PRORP: variants seen among roughly 807,000 people sequenced by gnomAD.
PRORP encodes protein only RNase P catalytic subunit.
PRORP carries 51 observed loss-of-function variants against 59.4 expected under a neutral mutation model. The observed-to-expected ratio is 0.86, with a 90% CI of 0.69 to 1.08. PRORP has a LOEUF of 1.08. Among genes scored for constraint, PRORP ranks in the 50% least tolerant of loss-of-function variants. The probability of loss-of-function intolerance (pLI) is 0.00; values close to 1 mark genes in which losing one functional copy is unlikely to be tolerated. For synonymous variants in PRORP, 231 were observed against 245.6 expected (o/e 0.94, Z 0.55); for missense variants, 646 against 690.3 (o/e 0.94, Z 0.72).
In PRORP at chr14:35,273,613, T is replaced by G. The variant is rs1566543059; in HGVS notation, c.*47T>G. The G allele has an allele frequency of 6.3e-7, 1 of 1,581,300 alleles. No individual in the cohort carries two copies. ...GTTTGTGTTTGGGTACCCTCTAGGT[T>G]GGCATCAGAGGCTCTTGAGCTGGTG... On this transcript the variant is annotated 3_prime_UTR_variant, in exon 8 of 8. Transcript: ENST00000534898.
At chr14:35,134,726 G>A (rs2047331484) in intron 4 of PRORP, among the ~76,000 whole-genome samples, 2 of 152,220 alleles carry the variant, frequency 1.3e-5, no homozygotes, top group African/African-American at 4.8e-5. Context: ...GTCTGTTTAG[G>A]AGACTGTGAG....
chr14:35,266,509 T>C (rs973721084), intron 5 of PRORP, among the ~76,000 whole-genome samples: 1 of 151,256 alleles, frequency 6.6e-6, no homozygotes, highest in Non-Finnish European at 1.5e-5. Flanking sequence ...AACCCCCCCC[T>C]GCAATGTAGC....
At chr14:35,213,236 C>T (rs181284369) in intron 5 of PRORP, among the ~76,000 whole-genome samples, 1 of 152,106 alleles carries the variant, frequency 6.6e-6, no homozygotes, top group Admixed American at 6.6e-5. Context: ...CTTTCTTTAT[C>T]GTTTGCGTGT....
intron 5 of PRORP, chr14:35,222,894 A>G (rs1425842561): frequency 1.3e-5 from 2 of 152,126 alleles, no homozygotes; most frequent in Admixed American, 6.6e-5. Context: ...TTTCCCCATC[A>G]GAGTCAGTTA....
chr14:35,190,751 A>G (rs1365932481), intron 5 of PRORP, among the ~76,000 whole-genome samples: 4 of 152,074 alleles, frequency 2.6e-5, no homozygotes, highest in South Asian at 4.2e-4. Flanking sequence ...TGATCCGACT[A>G]CTTGGCCTCC....
chr14:35,204,603 A>G (rs1369596052), intron 5 of PRORP, among the ~76,000 whole-genome samples: 1 of 152,192 alleles, frequency 6.6e-6, no homozygotes, highest in Non-Finnish European at 1.5e-5. Context: ...AAAGAAACAT[A>G]GTCTTTATCC....
intron 4 of PRORP, among the ~76,000 whole-genome samples, chr14:35,151,286 G>T (rs1204333678): frequency 6.6e-6 from 1 of 151,790 alleles, no homozygotes; most frequent in Non-Finnish European, 1.5e-5. Flanking sequence ...TTAGAGAATA[G>T]AATAATGTAA....
intron 5 of PRORP, among the ~76,000 whole-genome samples, chr14:35,182,416 G>A (rs926961988): frequency 6.6e-6 from 1 of 151,988 alleles, no homozygotes; most frequent in Non-Finnish European, 1.5e-5. Context: ...AGGCCAAGGC[G>A]GGTGGATCAC....
intron 5 of PRORP, among the ~76,000 whole-genome samples, chr14:35,261,105 A>G (rs1470154537): frequency 6.6e-6 from 1 of 152,202 alleles, no homozygotes; most frequent in Non-Finnish European, 1.5e-5. Context: ...GCTAGAGAGA[A>G]CAAGCCTTTG....
intron 5 of PRORP, among the ~76,000 whole-genome samples, chr14:35,214,760 A>G (rs1448021556): frequency 6.6e-6 from 1 of 152,158 alleles, no homozygotes; most frequent in African/African-American, 2.4e-5. Flanking sequence ...TACAAAAATT[A>G]TCTGGGTGTG....
chr14:35,269,562 A>G (rs1400491464), intron 6 of PRORP, among the ~76,000 whole-genome samples: 5 of 152,216 alleles, frequency 3.3e-5, no homozygotes, highest in Non-Finnish European at 7.3e-5. Flanking sequence ...GTGAGTCCTC[A>G]TGTAACTGTC....
chr14:35,192,954 C>G (rs1279794560), intron 5 of PRORP, among the ~76,000 whole-genome samples: 1 of 150,260 alleles, frequency 6.7e-6, no homozygotes, highest in African/African-American at 2.5e-5. Flanking sequence ...GATTGTGCCA[C>G]TACAGTCCAG....
intron 5 of PRORP, among the ~76,000 whole-genome samples, chr14:35,263,940 G>A (rs1456534713): frequency 1.3e-5 from 2 of 151,736 alleles, no homozygotes; most frequent in Non-Finnish European, 2.9e-5. Context: ...TGGGCAAGTT[G>A]TGTCCATTCT....
intron 5 of PRORP, among the ~76,000 whole-genome samples, chr14:35,264,437 T>C (rs77614296): frequency 6.6e-6 from 1 of 151,842 alleles, no homozygotes; most frequent in Non-Finnish European, 1.5e-5. Context: ...TTTTTTTTTT[T>C]AATAGAGACG....
In PRORP at chr14:35,276,600, C is replaced by T. The variant is rs981556607; in HGVS notation, c.*3034C>T. Reference sequence around the variant, plus strand: ...TGAAGGAAGCAGCTGGTACCAGACACTTAGGCTGCCCATTTGTGTTCTGAT... The same window carrying T: ...TGAAGGAAGCAGCTGGTACCAGACATTTAGGCTGCCCATTTGTGTTCTGAT... On this transcript the variant is annotated 3_prime_UTR_variant, in exon 8 of 8. Coordinates refer to ENST00000534898, the MANE Select transcript of PRORP (RefSeq NM_014672.4). The T allele has an allele frequency of 1.3e-5, 2 of 151,822 alleles. No individual in the cohort carries two copies. Among genetic ancestry groups the T allele is most frequent in the Non-Finnish European group, 2.9e-5 (2 of 68,008 alleles). 9.4% of individuals were successfully genotyped at this position (151,822 alleles called of 1,614,324 possible).
chr14:35,137,614 A>C (rs1320421622), intron 4 of PRORP, among the ~76,000 whole-genome samples: 1 of 145,082 alleles, frequency 6.9e-6, no homozygotes, highest in East Asian at 2.3e-4. Context: ...GTGGGTGCTG[A>C]GGTTTGAATC....
intron 5 of PRORP, among the ~76,000 whole-genome samples, chr14:35,209,490 GT>G (rs1230284409): frequency 6.6e-6 from 1 of 152,112 alleles, no homozygotes; most frequent in African/African-American, 2.4e-5. Flanking sequence ...TTTAATTTTA[GT>G]TTCCTTGTCA....
intron 5 of PRORP, among the ~76,000 whole-genome samples, chr14:35,214,402 AT>A (rs1490255004): frequency 5.9e-5 from 9 of 152,174 alleles, no homozygotes; most frequent in Admixed American, 3.3e-4. Flanking sequence ...TCATATTACG[AT>A]TTTGTTTTCT....
Position 35,123,274 on chromosome 14 carries a change from G to C in PRORP, c.29G>C (p.Ser10Thr). 1 of 1,611,844 alleles carries C rather than the reference G, an allele frequency of 6.2e-7. No individual in the cohort carries two copies. Among genetic ancestry groups the C allele is most frequent in the Non-Finnish European group, 8.5e-7 (1 of 1,179,210 alleles). The change falls in exon 2 of 8, where the codon AGC becomes ACC. Residue 10 changes from serine to threonine, a missense_variant. Ser to Thr is a moderately conservative substitution (Grantham distance 58, BLOSUM62 1). Coordinates refer to ENST00000534898, the MANE Select transcript of PRORP (RefSeq NM_014672.4). ...ACTTTCTATTTGTTTGGTATTCGAA[G>C]CTTTCCGAAGCTTTGGAAGAGCCCA... Reference protein sequence around the residue: MTFYLFGIRSFPKLWKSPYL... With the variant: MTFYLFGIRTFPKLWKSPYL...
Sources: gnomAD v4.1 joint callset for allele counts (sites outside exome capture counted in the v4.1 genomes callset) on GRCh38, gnomAD v4.1.1 for gene constraint, MANE v1.5 for transcripts, NCBI Gene and HGNC (gene_info 2026-07-23, HGNC 2026-07-21) for gene names.